Variants in DGKI observed in about 807,000 individuals in gnomAD.
DGKI encodes diacylglycerol kinase iota.
In DGKI, 55 loss-of-function variants were observed where a neutral mutation model predicts 147.5. The observed-to-expected ratio is 0.37, with a 90% CI of 0.30 to 0.47. The LOEUF (loss-of-function observed/expected upper bound fraction) is 0.47, where lower values mean the gene tolerates loss of function less well. Among genes scored for constraint, DGKI ranks in the 20% least tolerant of loss-of-function variants. The pLI is 1.00. For missense variants in DGKI, 1,007 were observed against 1,323.8 expected (o/e 0.76, Z 3.71); for synonymous variants, 469 against 477.1 (o/e 0.98, Z 0.22).
intron 8 of DGKI, among the ~76,000 whole-genome samples, chr7:137,610,776 T>C (rs1348951298): frequency 2.5e-4 from 38 of 152,244 alleles, no homozygotes; most frequent in Non-Finnish European, 1.5e-5. Context: ...GTACATATAC[T>C]AAGTCATCCA....
At chr7:137,443,544 T>C (rs1813594497) in intron 28 of DGKI, among the ~76,000 whole-genome samples, 1 of 152,258 alleles carries the variant, frequency 6.6e-6, no homozygotes, top group Non-Finnish European at 1.5e-5. Flanking sequence ...ATATTTTCTC[T>C]TTTGAGTGAA....
chr7:137,465,254 T>C (rs1485210626), intron 26 of DGKI, among the ~76,000 whole-genome samples: 1 of 152,234 alleles, frequency 6.6e-6, no homozygotes, highest in Non-Finnish European at 1.5e-5. Flanking sequence ...AGAATGATGG[T>C]GATGACTATT....
At chr7:137,608,853 C>T (rs975001303) in intron 10 of DGKI, 113 bp downstream of exon 10, 128 of 792,426 alleles carry the variant, frequency 1.6e-4, no homozygotes, top group Admixed American at 4.7e-5. Context: ...CCTGAGAAAC[C>T]GGTGTCTTCC....
At chr7:137,517,339 G>GAAAGAAAGAA (rs1326759879) in intron 21 of DGKI, among the ~76,000 whole-genome samples, 1 of 97,924 alleles carries the variant, frequency 1.0e-5, no homozygotes. Flanking sequence ...AAGAAAGAAA[G>GAAAGAAAGAA]AGAAAGAAAG....
At chr7:137,722,123 G>T in intron 1 of DGKI, 1 of 1,598,630 alleles carries the variant, frequency 6.3e-7, no homozygotes, top group Non-Finnish European at 8.5e-7. Context: ...CATTGCAGCC[G>T]CAACCCTGTC....
chr7:137,453,811 T>A (rs1332650128), intron 27 of DGKI, among the ~76,000 whole-genome samples: 1 of 152,182 alleles, frequency 6.6e-6, no homozygotes, highest in Non-Finnish European at 1.5e-5. Context: ...GTTCCTCATT[T>A]GATACAAATT....
chr7:137,588,953 C>T (rs1453863119), intron 12 of DGKI, among the ~76,000 whole-genome samples: 2 of 152,054 alleles, frequency 1.3e-5, no homozygotes, highest in Admixed American at 1.3e-4. Context: ...ACAGTTTACA[C>T]GATATAGATG....
At chr7:137,642,432 C>T (rs1821663266) in intron 6 of DGKI, among the ~76,000 whole-genome samples, 1 of 152,198 alleles carries the variant, frequency 6.6e-6, no homozygotes, top group South Asian at 2.1e-4. Flanking sequence ...CAGTGTTCTC[C>T]ATTTTTTCTT....
Position 137,845,454 on chromosome 7 carries a change from A to T in DGKI, c.401+1008T>A, listed in dbSNP as rs574695143. On this transcript the variant is annotated intron_variant, in intron 1 of 32. Transcript: ENST00000614521. Reference sequence around the variant, plus strand: ...AGAGTAGGGTTACAAGAATGTTTTCACTGACCCCTTTTCCAGAAACCCTCT... The same window carrying T: ...AGAGTAGGGTTACAAGAATGTTTTCTCTGACCCCTTTTCCAGAAACCCTCT... Among the ~76,000 whole-genome samples, 7 of 152,356 alleles carry T rather than the reference A, an allele frequency of 4.6e-5. No individual in the cohort carries two copies. In the South Asian group the frequency reaches 1.4e-3, roughly 32 times the overall value.
At chr7:137,508,531 G>A (rs1168410580) in intron 21 of DGKI, among the ~76,000 whole-genome samples, 1 of 151,986 alleles carries the variant, frequency 6.6e-6, no homozygotes, top group South Asian at 2.1e-4. Flanking sequence ...CGGCCGACAG[G>A]TTTCTTCTTG....
chr7:137,482,983 T>C (rs1203273146), intron 23 of DGKI, among the ~76,000 whole-genome samples: 2 of 152,116 alleles, frequency 1.3e-5, no homozygotes, highest in Non-Finnish European at 2.9e-5. Flanking sequence ...ATGTGGCATT[T>C]ATAATGCAGC....
chr7:137,808,570 C>A (rs1336330664), intron 1 of DGKI, among the ~76,000 whole-genome samples: 1 of 152,150 alleles, frequency 6.6e-6, no homozygotes, highest in Non-Finnish European at 1.5e-5. Context: ...CTCCCCTAGC[C>A]CCCACTGTCC....
chr7:137,636,141 T>C (rs1821305051), intron 6 of DGKI, among the ~76,000 whole-genome samples: 1 of 152,176 alleles, frequency 6.6e-6, no homozygotes, highest in African/African-American at 2.4e-5. Flanking sequence ...GGGACAGGCT[T>C]TGTAATGCTA....
chr7:137,418,503 T>C (rs1029104296), intron 28 of DGKI, among the ~76,000 whole-genome samples: 1 of 152,198 alleles, frequency 6.6e-6, no homozygotes, highest in South Asian at 2.1e-4. Flanking sequence ...ATAAAAAGTA[T>C]ACAGAACTTG....
intron 2 of DGKI, among the ~76,000 whole-genome samples, chr7:137,688,182 G>A (rs916679145): frequency 3.9e-5 from 6 of 151,950 alleles, no homozygotes; most frequent in Non-Finnish European, 7.4e-5. Context: ...CTGTATTTTC[G>A]TGTTGATTTC....
In DGKI at chr7:137,623,656, G is replaced by A. The variant is rs1435035847; in HGVS notation, c.805-102C>T. The stretch of plus-strand genomic sequence containing the variant: ...TGACGTGAATAAGGCCAGAAGGCCA[G>A]GACTGTCACCCACCACTGGAGGTAA... On this transcript the variant is annotated intron_variant, in intron 6 of 32. Transcript: ENST00000614521. The A allele has an allele frequency of 3.1e-6, 3 of 962,552 alleles. No individual in the cohort carries two copies. The Admixed American group carries it at 5.2e-5, about 17-fold the overall frequency. The allele number at this position is 962,552 out of a possible 1,614,324, so 59.6% of individuals were successfully genotyped here.
At chr7:137,560,483 A>T (rs1818383170) in intron 19 of DGKI, among the ~76,000 whole-genome samples, 2 of 152,168 alleles carry the variant, frequency 1.3e-5, no homozygotes, top group African/African-American at 4.8e-5. Flanking sequence ...AATGCAAAGA[A>T]AACCACTGTG....
At chr7:137,688,533 C>A (rs1196820682) in intron 2 of DGKI, among the ~76,000 whole-genome samples, 1 of 152,166 alleles carries the variant, frequency 6.6e-6, no homozygotes, top group Non-Finnish European at 1.5e-5. Context: ...ATGTTCGCCT[C>A]TAAATGATTA....
intron 1 of DGKI, among the ~76,000 whole-genome samples, chr7:137,704,751 A>G (rs1478581457): frequency 6.6e-6 from 1 of 152,236 alleles, no homozygotes; most frequent in Non-Finnish European, 1.5e-5. Flanking sequence ...AGATAAAGAG[A>G]GTATCTTGAA....
Sources: gnomAD v4.1 joint callset for allele counts (sites outside exome capture counted in the v4.1 genomes callset) on GRCh38, gnomAD v4.1.1 for gene constraint, MANE v1.5 for transcripts, NCBI Gene and HGNC (gene_info 2026-07-23, HGNC 2026-07-21) for gene names.